The following HSD17B2 variants were observed in gnomAD, a reference collection of about 807,000 sequenced individuals.
HSD17B2 encodes the protein hydroxysteroid 17-beta dehydrogenase 2.
In HSD17B2, 32 loss-of-function variants were observed where a neutral mutation model predicts 26.9. The observed-to-expected ratio is 1.19, with a 90% CI of 0.90 to 1.60. The LOEUF (loss-of-function observed/expected upper bound fraction) is 1.60. HSD17B2 is among the 40% of genes most tolerant of loss of function. The pLI is 0.00. For missense variants in HSD17B2, 613 were observed against 468.6 expected, an observed-to-expected ratio of 1.31 and a Z score of -2.85; for synonymous variants, 246 against 186.7, an observed-to-expected ratio of 1.32 and a Z score of -2.59.
chr16:82,071,594 T>C, intron 3 of HSD17B2: 1 of 282,172 alleles, frequency 3.5e-6, no homozygotes, highest in Non-Finnish European at 6.9e-6. Flanking sequence ...TTGTCCCCAG[T>C]GTTGAGCAGC....
intron 3 of HSD17B2, among the ~76,000 whole-genome samples, chr16:82,087,467 G>C (rs1904560372): frequency 6.6e-6 from 1 of 152,148 alleles, no homozygotes; most frequent in Non-Finnish European, 1.5e-5. Flanking sequence ...GGCAAGATTG[G>C]ATGGATGAGG....
At chr16:82,037,745 A>G (rs760860289) in intron 1 of HSD17B2, among the ~76,000 whole-genome samples, 3 of 152,232 alleles carry the variant, frequency 2.0e-5, no homozygotes, top group Admixed American at 1.3e-4. Context: ...AATGACAGCC[A>G]CAAGGACTGT....
intron 1 of HSD17B2, among the ~76,000 whole-genome samples, chr16:82,046,415 A>G (rs1913930096): frequency 6.6e-6 from 1 of 152,286 alleles, no homozygotes; most frequent in East Asian, 1.9e-4. Flanking sequence ...CAAACGCCTT[A>G]TAAGATAATT....
intron 4 of HSD17B2, chr16:82,091,242 G>T: frequency 1.6e-6 from 1 of 635,704 alleles, no homozygotes; most frequent in Non-Finnish European, 2.8e-6. Flanking sequence ...TGATTTGTGC[G>T]AAGGTGTTTT....
chr16:82,054,714 T>G (rs145199584), intron 1 of HSD17B2, among the ~76,000 whole-genome samples: 1 of 152,238 alleles, frequency 6.6e-6, no homozygotes, highest in East Asian at 1.9e-4. Flanking sequence ...GAAATGTTGC[T>G]TTCTCTTCCC....
chr16:82,070,922 T>C lies in HSD17B2; in HGVS notation c.479-20T>C. The C allele has an allele frequency of 6.2e-7, 1 of 1,604,872 alleles. No individual in the cohort carries two copies. Among genetic ancestry groups the C allele is most frequent in the East Asian group, 2.2e-5 (1 of 44,728 alleles). Reference sequence around the variant, plus strand: ...ACTTCCTCTTCCAGACACTCACTCATTATGGTTTTCTGTCTCCAGGACTGT... The same window carrying C: ...ACTTCCTCTTCCAGACACTCACTCACTATGGTTTTCTGTCTCCAGGACTGT... On this transcript the variant is annotated intron_variant, in intron 2 of 4. Coordinates refer to ENST00000199936, the MANE Select transcript of HSD17B2 (RefSeq NM_002153.3).
Position 82,046,511 on chromosome 16 carries a change from C to T in HSD17B2, c.265+10822C>T, listed in dbSNP as rs1485229052. On this transcript the variant is annotated intron_variant, in intron 1 of 4. Transcript: ENST00000199936. The stretch of plus-strand genomic sequence containing the variant: ...GCTGACACAGGCAGATCACTTGAGC[C>T]CGGGAGTTCAACACTAGACTGAGGA... Among the ~76,000 whole-genome samples, 3 of 152,002 alleles carry T rather than the reference C, an allele frequency of 2.0e-5. No individual in the cohort carries two copies. In the East Asian group the frequency reaches 5.8e-4, roughly 29 times the overall value.
chr16:82,090,300 TTG>T (rs1453093868), intron 3 of HSD17B2: 34 of 139,554 alleles, frequency 2.4e-4, no homozygotes, highest in African/African-American at 7.6e-4. Context: ...CTAAACTACA[TTG>T]TTTTTTTTTT....
At chr16:82,094,320 A>G (rs1361840411) in intron 4 of HSD17B2, 1 of 152,126 alleles carries the variant, frequency 6.6e-6, no homozygotes, top group Non-Finnish European at 1.5e-5. Context: ...GAATCATACC[A>G]ACCTGTTTTC....
intron 3 of HSD17B2, among the ~76,000 whole-genome samples, chr16:82,083,790 A>G (rs1443279475): frequency 6.6e-6 from 1 of 152,150 alleles, no homozygotes; most frequent in African/African-American, 2.4e-5. Context: ...AGATTTGACC[A>G]TGTCTACTAC....
intron 1 of HSD17B2, among the ~76,000 whole-genome samples, chr16:82,041,358 T>C (rs575142773): frequency 5.3e-4 from 81 of 152,340 alleles, no homozygotes; most frequent in African/African-American, 1.9e-3. Context: ...CTCACTTAGG[T>C]ACTTACCTTT....
chr16:82,089,957 C>T (rs942068159), intron 3 of HSD17B2, among the ~76,000 whole-genome samples: 7 of 152,152 alleles, frequency 4.6e-5, no homozygotes, highest in African/African-American at 1.7e-4. Flanking sequence ...CCATTACTTC[C>T]TTATAGCTGG....
chr16:82,076,791 G>T (rs113685513), intron 3 of HSD17B2, among the ~76,000 whole-genome samples: 3,148 of 152,230 alleles, frequency 0.021, 101 homozygotes, highest in African/African-American at 0.071. Flanking sequence ...TGTTGGCCAG[G>T]ATGGTTTCGA....
At chr16:82,039,379 G>A (rs1212958969) in intron 1 of HSD17B2, among the ~76,000 whole-genome samples, 1 of 151,586 alleles carries the variant, frequency 6.6e-6, no homozygotes, top group East Asian at 1.9e-4. Context: ...GAGAATGACT[G>A]TATTGGGGTG....
chr16:82,082,439 A>G (rs1198779339), intron 3 of HSD17B2, among the ~76,000 whole-genome samples: 1 of 152,142 alleles, frequency 6.6e-6, no homozygotes, highest in African/African-American at 2.4e-5. Flanking sequence ...CATTTTAAAA[A>G]TCCATTCATC....
At chr16:82,040,242 T>A (rs1027863319) in intron 1 of HSD17B2, among the ~76,000 whole-genome samples, 3 of 152,190 alleles carry the variant, frequency 2.0e-5, no homozygotes, top group Non-Finnish European at 4.4e-5. Flanking sequence ...CAAATAAGGT[T>A]CTCAAGTTGA....
intron 3 of HSD17B2, among the ~76,000 whole-genome samples, chr16:82,077,807 AAAG>A (rs914489702): frequency 6.6e-6 from 1 of 152,070 alleles, no homozygotes; most frequent in Non-Finnish European, 1.5e-5. Context: ...AAAGAAAAGA[AAAG>A]AAAAGAAAGA....
chr16:82,090,313 T>G (rs1246652382), intron 3 of HSD17B2: 6 of 291,500 alleles, frequency 2.1e-5, no homozygotes, highest in South Asian at 2.9e-4. Context: ...TTTTTTTTTT[T>G]TTTTTTTTTT....
intron 1 of HSD17B2, among the ~76,000 whole-genome samples, chr16:82,036,045 CATT>C (rs1474207307): frequency 1.3e-5 from 2 of 152,144 alleles, no homozygotes; most frequent in Non-Finnish European, 2.9e-5. Context: ...GTTCTGACAT[CATT>C]GTTTGGCCAG....
Sources: gnomAD v4.1 joint callset for allele counts (sites outside exome capture counted in the v4.1 genomes callset) on GRCh38, gnomAD v4.1.1 for gene constraint, MANE v1.5 for transcripts, NCBI Gene and HGNC (gene_info 2026-07-23, HGNC 2026-07-21) for gene names.